TMPRSS2: variants seen among roughly 807,000 people sequenced by gnomAD.
TMPRSS2 encodes the protein transmembrane protease serine 2.
A neutral mutation model predicts 67.4 loss-of-function variants in TMPRSS2; 59 were observed. The observed-to-expected ratio is 0.88, with a 90% CI of 0.71 to 1.09. The LOEUF is 1.09. Among genes scored for constraint, TMPRSS2 ranks in the 50% least tolerant of loss-of-function variants. The pLI, the probability that TMPRSS2 is intolerant of heterozygous loss-of-function variation, is 0.00. For missense variants in TMPRSS2, 668 were observed against 642.7 expected (o/e 1.04, Z -0.43); for synonymous variants, 257 against 257.0 (o/e 1.00, Z 0.00).
intron 9 of TMPRSS2, 116 bp downstream of exon 9, chr21:41,473,209 C>T (rs1601564230): frequency 1.6e-6 from 2 of 1,221,544 alleles, no homozygotes. Context: ...GTGCAATACT[C>T]TCCCCATTTA....
chr21:41,501,021 C>T (rs543518445), intron 1 of TMPRSS2, among the ~76,000 whole-genome samples: 1 of 152,268 alleles, frequency 6.6e-6, no homozygotes, highest in South Asian at 2.1e-4. Flanking sequence ...AGTGAAAATT[C>T]GATCCCATTG....
intron 1 of TMPRSS2, among the ~76,000 whole-genome samples, chr21:41,499,669 A>G (rs1484905423): frequency 1.3e-5 from 2 of 151,984 alleles, no homozygotes; most frequent in Non-Finnish European, 2.9e-5. Context: ...ATTAACTCCC[A>G]CTTGCCCATA....
chr21:41,500,094 C>A (rs1260398526), intron 1 of TMPRSS2, among the ~76,000 whole-genome samples: 1 of 152,126 alleles, frequency 6.6e-6, no homozygotes, highest in South Asian at 2.1e-4. Context: ...GCGGTTCAGC[C>A]CCTGACCTCT....
chr21:41,475,988 G>A (rs1401310992), intron 8 of TMPRSS2, among the ~76,000 whole-genome samples: 2 of 151,994 alleles, frequency 1.3e-5, no homozygotes, highest in Non-Finnish European at 2.9e-5. Context: ...ACAGCACTGG[G>A]CCATCCCAGA....
chr21:41,495,349 C>T (rs376961377), intron 2 of TMPRSS2, among the ~76,000 whole-genome samples: 10 of 151,916 alleles, frequency 6.6e-5, no homozygotes, highest in African/African-American at 1.4e-4. Flanking sequence ...TTTGGCTGGG[C>T]GCAGTGGGTC....
intron 1 of TMPRSS2, among the ~76,000 whole-genome samples, chr21:41,503,793 T>C (rs555405939): frequency 1.3e-5 from 2 of 152,350 alleles, no homozygotes; most frequent in East Asian, 3.9e-4. Flanking sequence ...CCAGACATAG[T>C]GATCTTTCAT....
In TMPRSS2 at chr21:41,494,538, C is replaced by T; in HGVS notation, c.56G>A (p.Gly19Glu). The T allele has an allele frequency of 6.2e-7, 1 of 1,613,628 alleles. No individual in the cohort carries two copies. Among genetic ancestry groups the T allele is most frequent in the Non-Finnish European group, 8.5e-7 (1 of 1,179,910 alleles). ...PAIGPYYENHGYQPENPYPAQ... is the reference protein window; with the variant it reads ...PAIGPYYENHEYQPENPYPAQ... ...GGGATAGGGGTTTTCCGGTTGGTAT[C>T]CATGGTTTTCATAGTAAGGTCCAAT... The change falls in exon 3 of 14, where the codon GGA (glycine) becomes GAA (glutamate). Residue 19 changes from glycine to glutamate, a missense_variant. Physicochemically the swap from Gly to Glu is moderately conservative, Grantham distance 98. Coordinates refer to ENST00000332149, the MANE Select transcript of TMPRSS2 (RefSeq NM_005656.4).
intron 11 of TMPRSS2, among the ~76,000 whole-genome samples, chr21:41,469,557 A>C (rs1478941022): frequency 3.9e-5 from 6 of 152,116 alleles, no homozygotes. Flanking sequence ...AGATACATGC[A>C]CTAGCCTTTT....
At chr21:41,471,029 G>A (rs186429734) in intron 10 of TMPRSS2, among the ~76,000 whole-genome samples, 32 of 152,340 alleles carry the variant, frequency 2.1e-4, no homozygotes, top group African/African-American at 7.2e-4. Context: ...TGATCAAGAC[G>A]GGAAAGACAC....
chr21:41,503,212 G>A (rs1219815249), intron 1 of TMPRSS2, among the ~76,000 whole-genome samples: 1 of 152,206 alleles, frequency 6.6e-6, no homozygotes, highest in East Asian at 1.9e-4. Flanking sequence ...AACACCAGCA[G>A]CCCAAGTCAG....
At chr21:41,472,034 G>A in intron 9 of TMPRSS2, 53 bp from the exon 10 acceptor site, 1 of 1,480,890 alleles carries the variant, frequency 6.8e-7, no homozygotes, top group Non-Finnish European at 9.0e-7. Flanking sequence ...AGAGCTCTCA[G>A]TGGATGAACT....
intron 10 of TMPRSS2, among the ~76,000 whole-genome samples, 176 bp downstream of exon 10, chr21:41,471,630 C>A (rs1256028345): frequency 6.6e-6 from 1 of 152,216 alleles, no homozygotes; most frequent in Non-Finnish European, 1.5e-5. Flanking sequence ...CTGCCTCCCC[C>A]AAAATGCGGC....
intron 9 of TMPRSS2, 31 bp from the exon 10 acceptor site, chr21:41,472,012 A>G (rs772417200): frequency 1.2e-5 from 19 of 1,555,212 alleles, no homozygotes; most frequent in Non-Finnish European, 1.5e-5. Context: ...AGTATCTCAG[A>G]GCCATAAACA....
chr21:41,498,906 GA>G (rs2146496488), intron 1 of TMPRSS2, among the ~76,000 whole-genome samples: 1 of 152,220 alleles, frequency 6.6e-6, no homozygotes, highest in East Asian at 1.9e-4. Context: ...GGAGAGTGGG[GA>G]AAGAGTGCCT....
At chr21:41,499,903 G>A (rs1211004290) in intron 1 of TMPRSS2, among the ~76,000 whole-genome samples, 4 of 152,156 alleles carry the variant, frequency 2.6e-5, no homozygotes, top group Non-Finnish European at 4.4e-5. Context: ...TTAAGAAACG[G>A]GGTTCAAGAT....
chr21:41,493,299 A>G (rs1202412563), intron 3 of TMPRSS2, among the ~76,000 whole-genome samples: 1 of 152,216 alleles, frequency 6.6e-6, no homozygotes, highest in East Asian at 1.9e-4. Flanking sequence ...ATGAAGGGGT[A>G]GAAAACTCAG....
At chr21:41,489,671 T>C in intron 3 of TMPRSS2, 78 bp from the exon 4 acceptor site, 1 of 882,948 alleles carries the variant, frequency 1.1e-6, no homozygotes, top group Admixed American at 2.4e-5. Flanking sequence ...CTATTATTTT[T>C]ATAGTACACC....
intron 9 of TMPRSS2, 32 bp downstream of exon 9, chr21:41,473,292 GC>G: frequency 3.9e-6 from 6 of 1,546,316 alleles, no homozygotes; most frequent in Non-Finnish European, 5.3e-6. Flanking sequence ...CCAGCCCTGA[GC>G]CCCCACCCGG....
Position 41,464,920 on chromosome 21 carries a change from T to G in TMPRSS2, c.*1222A>C, listed in dbSNP as rs2091072459. The G allele has an allele frequency of 4.3e-6, 1 of 233,122 alleles. No homozygotes were observed. The highest frequency in any genetic ancestry group is 2.2e-5 in the African/African-American group (1 of 45,314). The allele number at this position is 233,122 out of a possible 1,614,324, so 14.4% of individuals were successfully genotyped here. ...GCCAGGAGGCAGAACCATGGTAGAG[T>G]AGTGCTCATGGTTATGGCACTTGGC... is the stretch of plus-strand genomic sequence containing the variant. On this transcript the variant is annotated 3_prime_UTR_variant, in exon 14 of 14. Transcript: ENST00000332149.
Sources: gnomAD v4.1 joint callset for allele counts (sites outside exome capture counted in the v4.1 genomes callset) on GRCh38, gnomAD v4.1.1 for gene constraint, MANE v1.5 for transcripts, NCBI Gene and HGNC (gene_info 2026-07-23, HGNC 2026-07-21) for gene names.